The following NFIA variants were observed in gnomAD, a reference collection of about 807,000 sequenced individuals.
The protein encoded by NFIA is nuclear factor I A, also known as nuclear factor 1 A-type.
In NFIA, 8 loss-of-function variants were observed where a neutral mutation model predicts 62.8. The observed-to-expected ratio is 0.13, with a 90% confidence interval of 0.07 to 0.23. NFIA has a LOEUF of 0.23. NFIA is among the 10% of genes least tolerant of loss of function. The pLI, the probability that NFIA is intolerant of heterozygous loss-of-function variation, is 1.00. For synonymous variants in NFIA, 235 were observed against 238.1 expected, an observed-to-expected ratio of 0.99 and a Z score of 0.12; for missense variants, 410 against 642.1, an observed-to-expected ratio of 0.64 and a Z score of 3.91.
chr1:61,354,734 T>C (rs1297635483), intron 5 of NFIA, among the ~76,000 whole-genome samples: 4 of 152,204 alleles, frequency 2.6e-5, no homozygotes, highest in Non-Finnish European at 5.9e-5. Flanking sequence ...AAAAGGAGTT[T>C]CTAGCATCTC....
chr1:61,451,575 A>G (rs1450237341), intron 10 of NFIA, among the ~76,000 whole-genome samples: 1 of 152,218 alleles, frequency 6.6e-6, no homozygotes, highest in African/African-American at 2.4e-5. Flanking sequence ...CGCTCAGCAC[A>G]TCCCAAACTC....
intron 2 of NFIA, among the ~76,000 whole-genome samples, chr1:61,227,424 T>C (rs749775356): frequency 1.3e-5 from 2 of 152,202 alleles, no homozygotes; most frequent in Non-Finnish European, 2.9e-5. Context: ...GATGATGGGA[T>C]CTTGAAGACT....
intron 10 of NFIA, among the ~76,000 whole-genome samples, chr1:61,434,367 G>A (rs778974483): frequency 5.3e-5 from 8 of 152,128 alleles, no homozygotes; most frequent in Non-Finnish European, 8.8e-5. Context: ...CTGTGGGCAG[G>A]AGTGAATCGT....
Position 61,113,596 on chromosome 1 carries a change from GAAAAAAAA to G in NFIA, c.559+24929_559+24936del, listed in dbSNP as rs376543670. On this transcript the variant is annotated intron_variant, in intron 2 of 10. Transcript: ENST00000403491. ...GCAACAAGAGTGAAACTCCATCTCAGAAAAAAAAAAAAAAAAAAAAGAGAATATGTTTG... is the reference window on the plus strand; with the variant it reads ...GCAACAAGAGTGAAACTCCATCTCAGAAAAAAAAAAAAGAGAATATGTTTG... 6.0e-3 allele frequency among the ~76,000 whole-genome samples: 647 copies of G among 107,004 alleles called. 7 individuals are homozygous for G. Among genetic ancestry groups the G allele is most frequent in the African/African-American group, 0.022 (601 of 27,852 alleles). 70.2% of individuals were successfully genotyped at this position (107,004 alleles called of 152,430 possible). A position where few individuals can be genotyped will look rare whatever the true frequency, so the allele number is the denominator to read the frequency against.
chr1:61,307,382 G>A (rs140867244), intron 3 of NFIA, among the ~76,000 whole-genome samples: 73 of 152,288 alleles, frequency 4.8e-4, no homozygotes, highest in South Asian at 1.0e-3. Flanking sequence ...TAATAAATCC[G>A]TTGGTGCCTT....
intron 2 of NFIA, among the ~76,000 whole-genome samples, chr1:61,186,179 T>C (rs1438010467): frequency 6.6e-6 from 1 of 152,090 alleles, no homozygotes; most frequent in African/African-American, 2.4e-5. Context: ...TGGAGCACAC[T>C]GGTTGGGAGA....
intron 3 of NFIA, among the ~76,000 whole-genome samples, chr1:61,316,987 G>A (rs1660399054): frequency 6.6e-6 from 1 of 152,006 alleles, no homozygotes; most frequent in Non-Finnish European, 1.5e-5. Context: ...TATTTTATAT[G>A]CCTTTTTATA....
At chr1:61,335,973 C>G (rs1293433947) in intron 4 of NFIA, among the ~76,000 whole-genome samples, 1 of 152,120 alleles carries the variant, frequency 6.6e-6, no homozygotes, top group Admixed American at 6.5e-5. Flanking sequence ...ATACCATGTA[C>G]CAGGCATTGT....
chr1:61,124,710 C>T (rs778895758), intron 2 of NFIA: 4 of 152,086 alleles, frequency 2.6e-5, no homozygotes, highest in East Asian at 1.9e-4. Context: ...AAGTTGGGGC[C>T]GGATGGGACG....
chr1:61,156,059 G>A (rs1361787097), intron 2 of NFIA, among the ~76,000 whole-genome samples: 5 of 152,116 alleles, frequency 3.3e-5, no homozygotes, highest in African/African-American at 9.7e-5. Flanking sequence ...GTTTGAACCC[G>A]GGAGGCGGAG....
intron 3 of NFIA, among the ~76,000 whole-genome samples, chr1:61,315,740 TATA>T (rs1171697386): frequency 6.6e-6 from 1 of 152,236 alleles, no homozygotes; most frequent in Non-Finnish European, 1.5e-5. Flanking sequence ...TTGTTTCCTG[TATA>T]TTTTCAGGGT....
At chr1:61,268,670 A>G (rs1657323294) in intron 2 of NFIA, among the ~76,000 whole-genome samples, 1 of 152,178 alleles carries the variant, frequency 6.6e-6, no homozygotes, top group African/African-American at 2.4e-5. Context: ...TCCCTAATCC[A>G]GTTTGCTGAG....
chr1:61,411,808 G>A (rs1395406559), intron 9 of NFIA, among the ~76,000 whole-genome samples: 3 of 151,716 alleles, frequency 2.0e-5, no homozygotes, highest in Admixed American at 6.6e-5. Flanking sequence ...GGACAAAGAC[G>A]AGAGGGTGAG....
In NFIA at chr1:61,456,415, C is replaced by A. The variant is rs1668303558; in HGVS notation, c.*1095C>A. ...AAAAACAAATCTAATGGTGCTTTTACCACAATATGTTAACTACATTAAATG... is the reference window on the plus strand; with the variant it reads ...AAAAACAAATCTAATGGTGCTTTTAACACAATATGTTAACTACATTAAATG... On this transcript the variant is annotated 3_prime_UTR_variant, in exon 11 of 11. Transcript: ENST00000403491. The A allele has an allele frequency of 6.6e-6, 1 of 150,740 alleles. No homozygotes were observed. The highest frequency in any genetic ancestry group is 2.4e-5 in the African/African-American group (1 of 40,980). 9.3% of individuals were successfully genotyped at this position (150,740 alleles called of 1,614,324 possible). A position where few individuals can be genotyped will look rare whatever the true frequency, so the allele number is the denominator to read the frequency against.
At chr1:61,132,802 G>C (rs1647104232) in intron 2 of NFIA, 1 of 152,190 alleles carries the variant, frequency 6.6e-6, no homozygotes, top group Non-Finnish European at 1.5e-5. Flanking sequence ...GAACATGGCT[G>C]AGGGTATAGA....
intron 1 of NFIA, among the ~76,000 whole-genome samples, chr1:61,084,398 G>A (rs1326135391): frequency 1.3e-5 from 2 of 151,676 alleles, no homozygotes; most frequent in Non-Finnish European, 2.9e-5. Context: ...ATAATGGATA[G>A]CAGTTACTTT....
intron 2 of NFIA, among the ~76,000 whole-genome samples, chr1:61,190,934 C>A (rs1192472180): frequency 6.6e-6 from 1 of 151,806 alleles, no homozygotes; most frequent in African/African-American, 2.4e-5. Flanking sequence ...TGGTCTGGTA[C>A]TATAAAAAGC....
chr1:61,159,952 G>C (rs1248836053), intron 2 of NFIA, among the ~76,000 whole-genome samples: 1 of 152,158 alleles, frequency 6.6e-6, no homozygotes, highest in African/African-American at 2.4e-5. Flanking sequence ...AAAGTGCTGG[G>C]ATTACAGGCG....
intron 3 of NFIA, among the ~76,000 whole-genome samples, chr1:61,285,480 C>T (rs1329605334): frequency 6.6e-6 from 1 of 152,122 alleles, no homozygotes; most frequent in Non-Finnish European, 1.5e-5. Context: ...GATTTGGAGT[C>T]ACTAATCCAG....
Sources: allele counts gnomAD v4.1 joint callset (sites outside exome capture counted in the v4.1 genomes callset), GRCh38; gene constraint gnomAD v4.1.1; transcripts MANE v1.5; gene names NCBI Gene and HGNC (gene_info 2026-07-23, HGNC 2026-07-21).